OTOP2: variants seen among roughly 807,000 people sequenced by gnomAD.
OTOP2 encodes the protein otopetrin 2.
In OTOP2, 41 loss-of-function variants were observed where a neutral mutation model predicts 47.4. The ratio of observed to expected loss-of-function variants is 0.87; its 90% CI spans 0.67 to 1.12. The LOEUF is 1.12. Among genes scored for constraint, OTOP2 ranks in the 50% most tolerant of loss-of-function variants. The pLI is 0.00. For synonymous variants in OTOP2, 328 were observed against 319.6 expected (o/e 1.03, Z -0.28); for missense variants, 721 against 752.2 (o/e 0.96, Z 0.49).
Position 74,930,012 on chromosome 17 carries a change from G to C in OTOP2, c.644-267G>C, listed in dbSNP as rs1259789723. 6.6e-6 allele frequency among the ~76,000 whole-genome samples: 1 copy of C among 152,124 alleles called. No homozygotes were observed. Among genetic ancestry groups the C allele is most frequent in the African/African-American group, 2.4e-5 (1 of 41,430 alleles). Reference sequence around the variant, plus strand: ...AGCCTGGCCAACATGGCGAAACCCTGTCTCTACTAAAAATATAAAAATTAG... The same window carrying C: ...AGCCTGGCCAACATGGCGAAACCCTCTCTCTACTAAAAATATAAAAATTAG... On this transcript the variant is annotated intron_variant, in intron 5 of 6. Transcript: ENST00000331427. The surrounding 1 kb of genome is among the most constrained non-coding windows in gnomAD (Gnocchi z 4.0).
chr17:74,931,169 G>T lies in OTOP2; in HGVS notation c.1518+16G>T, dbSNP rs1322515423. ...CAATGTCATTGTGAGTAGCTGGGGG[G>T]AGAAAGGGTGGGCTTGGGAGAAGAG... is the stretch of plus-strand genomic sequence containing the variant. On this transcript the variant is annotated intron_variant, in intron 6 of 6. Transcript: ENST00000331427. The T allele has an allele frequency of 6.4e-7, 1 of 1,564,320 alleles. No homozygotes were observed. Among genetic ancestry groups the T allele is most frequent in the East Asian group, 2.3e-5 (1 of 44,420 alleles).
rs2039021302 is a variant in OTOP2 at position 74,927,699 on chromosome 17, G to A, written c.544G>A (p.Ala182Thr). The A allele has an allele frequency of 1.2e-6, 2 of 1,614,090 alleles. No homozygotes were observed. The highest frequency in any genetic ancestry group is 1.7e-6 in the Non-Finnish European group (2 of 1,179,990). ...CATGTTCACACTCACCACCAACCTG[G>A]CCATCTGGATGGCGGCCGTGGTGGA... The part of the protein sequence containing the change: ...GLMFTLTTNL[A>T]IWMAAVVDES... The change falls in exon 5 of 7, where the codon GCC becomes ACC. Residue 182 changes from alanine (A) to threonine (T), a missense_variant. Transcript: ENST00000331427.
chr17:74,924,350 G>C lies in OTOP2; in HGVS notation c.-34+17G>C. ...CCCAGCCAGGTGGGTGCCCCGGGCC[G>C]GAGGGCAGTCGGACTTGGGGAGTGG... is the stretch of plus-strand genomic sequence containing the variant. On this transcript the variant is annotated intron_variant, in intron 1 of 6. Transcript: ENST00000331427. This position sits in a 1 kb window ranked among gnomAD's most constrained non-coding sequence, Gnocchi z 7.7. 2.5e-6 allele frequency: 1 copy of C among 399,584 alleles called. No homozygotes were observed. The highest frequency in any genetic ancestry group is 3.9e-5 in the East Asian group (1 of 25,356). The allele number at this position is 399,584 out of a possible 1,614,324, so 24.8% of individuals were successfully genotyped here.
intron 5 of OTOP2, among the ~76,000 whole-genome samples, chr17:74,928,737 C>T (rs190925819): frequency 3.9e-5 from 6 of 152,320 alleles, no homozygotes; most frequent in Non-Finnish European, 7.3e-5. Flanking sequence ...TAAGGAGGAA[C>T]GGGATCCAGT....
At chr17:74,925,493 C>T (rs781345317) in intron 2 of OTOP2, 63 bp from the exon 3 acceptor site, 30 of 1,587,308 alleles carry the variant, frequency 1.9e-5, no homozygotes, top group African/African-American at 1.7e-4. Context: ...GTCCTCAGCT[C>T]GGCAGGCCTT....
At chr17:74,929,482 G>A (rs1395727522) in intron 5 of OTOP2, among the ~76,000 whole-genome samples, 1 of 152,144 alleles carries the variant, frequency 6.6e-6, no homozygotes, top group African/African-American at 2.4e-5. Context: ...CTGGAGTGCA[G>A]TGGCGCGATC....
chr17:74,931,204 G>A, intron 6 of OTOP2, 51 bp downstream of exon 6: 1 of 1,535,960 alleles, frequency 6.5e-7, no homozygotes, highest in East Asian at 2.3e-5. Flanking sequence ...GACTGAGGAA[G>A]GATGCTCTTG....
chr17:74,927,436 C>T (rs2039018205), intron 4 of OTOP2, 155 bp downstream of exon 4: 10 of 1,049,364 alleles, frequency 9.5e-6, no homozygotes, highest in Non-Finnish European at 1.4e-5. Flanking sequence ...ACTTCCACTA[C>T]CTTGTGGGGC....
rs1265785791 is a variant in OTOP2, at chr17:74,930,691, T to C, written c.1056T>C (p.Phe352=). 2 of 1,613,992 alleles carry C rather than the reference T, an allele frequency of 1.2e-6. No homozygotes were observed. The highest frequency in any genetic ancestry group is 1.7e-6 in the Non-Finnish European group (2 of 1,180,032). The change falls in exon 6 of 7, where the codon TTT becomes TTC. Residue 352 remains phenylalanine, a synonymous_variant. Coordinates refer to ENST00000331427, the MANE Select transcript of OTOP2 (RefSeq NM_178160.3). The surrounding 1 kb of genome is among the most constrained non-coding windows in gnomAD (Gnocchi z 4.0). ...VSLSGSIIYR[F]DRRAMDHHKN... ...TGAGCGGCTCCATCATCTACCGTTT[T>C]GACCGCCGGGCCATGGACCACCATA...
chr17:74,925,819 A>G, intron 3 of OTOP2, 127 bp downstream of exon 3: 3 of 1,379,896 alleles, frequency 2.2e-6, no homozygotes, highest in Non-Finnish European at 3.0e-6. Context: ...TAAACCAGGG[A>G]CAGGGCTGTA....
chr17:74,929,835 G>A (rs1398685211), intron 5 of OTOP2, among the ~76,000 whole-genome samples: 2 of 152,188 alleles, frequency 1.3e-5, no homozygotes, highest in Non-Finnish European at 2.9e-5. Context: ...AGGCATGAGG[G>A]ATACCGTGGT....
rs369210322 is a variant in OTOP2 at position 74,930,328 on chromosome 17, C to T, written c.693C>T (p.Ala231=). 44 of 1,614,126 alleles carry T rather than the reference C, an allele frequency of 2.7e-5. No individual in the cohort carries two copies. In the East Asian group the frequency reaches 6.2e-4, roughly 23 times the overall value. The change falls in exon 6 of 7, where the codon GCC becomes GCT. Residue 231 remains alanine, a synonymous_variant. Transcript: ENST00000331427. This position sits in a 1 kb window ranked among gnomAD's most constrained non-coding sequence, Gnocchi z 4.0. The stretch of plus-strand genomic sequence containing the variant: ...GAGACTCCTGCCTCTGCAGCACGGC[C>T]GTCTGCCAGATCTTCCAGCAGGGGT... ...VGGDSCLCST[A]VCQIFQQGYF...
At chr17:74,931,978 A>G (rs2039063945) in intron 6 of OTOP2, among the ~76,000 whole-genome samples, 1 of 147,168 alleles carries the variant, frequency 6.8e-6, no homozygotes, top group Admixed American at 6.8e-5. Flanking sequence ...AAAAAAAGCA[A>G]TAGACTTCAC....
In OTOP2 at chr17:74,924,923, C is replaced by T; in HGVS notation, c.291C>T (p.His97=). 1.3e-6 allele frequency: 2 copies of T among 1,574,718 alleles called. No homozygotes were observed. The highest frequency in any genetic ancestry group is 2.3e-5 in the East Asian group (1 of 43,210). ...CPCAVPYRDA[H]AGPIWLRGGL... is the part of the protein sequence containing the mutation. Reference sequence around the variant, plus strand: ...GCGCGGTACCCTACCGGGACGCGCACGCTGGCCCCATCTGGCTCCGAGGTG... The same window carrying T: ...GCGCGGTACCCTACCGGGACGCGCATGCTGGCCCCATCTGGCTCCGAGGTG... Residue 97 remains histidine, a synonymous_variant, in exon 2 of 7, where the codon CAC becomes CAT. Coordinates refer to ENST00000331427, the MANE Select transcript of OTOP2 (RefSeq NM_178160.3). This position sits in a 1 kb window ranked among gnomAD's most constrained non-coding sequence, Gnocchi z 7.7.
chr17:74,927,470 G>C, intron 4 of OTOP2, 189 bp downstream of exon 4: 4 of 1,014,922 alleles, frequency 3.9e-6, no homozygotes, highest in Non-Finnish European at 5.8e-6. Flanking sequence ...GGAGGGAGTG[G>C]TGGTGGCCCC....
chr17:74,930,275 A>G lies in OTOP2; in HGVS notation c.644-4A>G. The G allele has an allele frequency of 1.9e-6, 3 of 1,610,192 alleles. No individual in the cohort carries two copies. Among genetic ancestry groups the G allele is most frequent in the Non-Finnish European group, 8.5e-7 (1 of 1,177,200 alleles). ...GTCCAGCCCTGTGTCTCTCTCCACA[A>G]CAGAGCATGCAGACAACCCGGTCGG... On this transcript the variant is annotated splice_region_variant and splice_polypyrimidine_tract_variant and intron_variant, in intron 5 of 6. Coordinates refer to ENST00000331427, the MANE Select transcript of OTOP2 (RefSeq NM_178160.3). This position sits in a 1 kb window ranked among gnomAD's most constrained non-coding sequence, Gnocchi z 4.0.
chr17:74,927,840 T>G (rs752048423), intron 5 of OTOP2, 42 bp downstream of exon 5: 1 of 1,601,934 alleles, frequency 6.2e-7, no homozygotes, highest in Non-Finnish European at 8.5e-7. Flanking sequence ...TACCAGGCCT[T>G]GGGCCGGGTG....
chr17:74,929,387 G>A (rs1432054067), intron 5 of OTOP2, among the ~76,000 whole-genome samples: 1 of 152,098 alleles, frequency 6.6e-6, no homozygotes, highest in Non-Finnish European at 1.5e-5. Flanking sequence ...GGTGAAGTGA[G>A]CAGTCCTGTG....
At position 74,931,265 on chromosome 17, in the gene OTOP2, T is replaced by C. The variant is rs146636656; in HGVS notation, c.1518+112T>C. The C allele has an allele frequency of 1.7e-4, 233 of 1,378,538 alleles. 1 individual carries two copies. The African/African-American group carries it at 3.1e-3, about 19-fold the overall frequency. The allele number at this position is 1,378,538 out of a possible 1,614,324, so 85.4% of individuals were successfully genotyped here. A position where few individuals can be genotyped will look rare whatever the true frequency, so the allele number is the denominator to read the frequency against. ...GTCTTGCCCCCAGCCCGCCTGAGAA[T>C]CTTACAGCTCTCTAGGAAAGGAGCA... On this transcript the variant is annotated intron_variant, in intron 6 of 6. Transcript: ENST00000331427.
Sources: gnomAD v4.1 joint callset for allele counts (sites outside exome capture counted in the v4.1 genomes callset) on GRCh38, gnomAD v4.1.1 for gene constraint, Gnocchi (gnomAD v3.1) non-coding constraint, MANE v1.5 for transcripts, NCBI Gene and HGNC (gene_info 2026-07-23, HGNC 2026-07-21) for gene names.